Variants in LRP6 observed in about 807,000 individuals in gnomAD.
The protein encoded by LRP6 is low-density lipoprotein receptor-related protein 6.
LRP6 carries 43 observed loss-of-function variants against 184.1 expected under a neutral mutation model. That is an observed-to-expected ratio of 0.23 (90% CI 0.18 to 0.30). LRP6 has a LOEUF of 0.30. Ranked by LOEUF, LRP6 falls within the 10% of genes least tolerant of loss-of-function variation. LRP6 has a pLI of 1.00. For synonymous variants in LRP6, 719 were observed against 684.9 expected (o/e 1.05, Z -0.78); for missense variants, 1,571 against 2,005.3 (o/e 0.78, Z 4.14).
At chr12:12,144,239 C>A (rs545290249) in intron 15 of LRP6, among the ~76,000 whole-genome samples, 159 of 152,268 alleles carry the variant, frequency 1.0e-3, no homozygotes, top group Middle Eastern at 3.4e-3. Flanking sequence ...GACAGGGTCT[C>A]GGCTTTATTG....
At chr12:12,164,615 C>G in intron 8 of LRP6, 53 bp from the exon 9 acceptor site, 1 of 1,547,740 alleles carries the variant, frequency 6.5e-7, no homozygotes, top group African/African-American at 1.4e-5. Flanking sequence ...TTGATACATT[C>G]AACATATTTT....
chr12:12,142,610 T>C (rs1474024049), intron 15 of LRP6, among the ~76,000 whole-genome samples: 3 of 152,110 alleles, frequency 2.0e-5, no homozygotes, highest in African/African-American at 7.2e-5. Context: ...CAAACATTTC[T>C]TTTTATGTGG....
At chr12:12,222,146 T>C (rs924684085) in intron 2 of LRP6, among the ~76,000 whole-genome samples, 8 of 152,322 alleles carry the variant, frequency 5.3e-5, no homozygotes, top group African/African-American at 1.9e-4. Flanking sequence ...TACTAAGCAG[T>C]AAATTTTACT....
intron 12 of LRP6, among the ~76,000 whole-genome samples, chr12:12,153,901 A>C: frequency 6.6e-6 from 1 of 152,326 alleles, no homozygotes; most frequent in South Asian, 2.1e-4. Flanking sequence ...GCTCTTGTTT[A>C]AGAATAGAAT....
At chr12:12,219,885 G>C (rs1198338020) in intron 2 of LRP6, among the ~76,000 whole-genome samples, 1 of 152,190 alleles carries the variant, frequency 6.6e-6, no homozygotes, top group Non-Finnish European at 1.5e-5. Flanking sequence ...AAAAGGAGGA[G>C]GACGTAGAGG....
intron 14 of LRP6, 40 bp from the exon 15 acceptor site, chr12:12,147,596 G>C (rs1448472842): frequency 1.4e-6 from 2 of 1,434,242 alleles, no homozygotes; most frequent in Non-Finnish European, 2.0e-6. Context: ...ACTGGAGTAA[G>C]AAACCACATA....
chr12:12,186,600 A>G (rs1246588187), intron 4 of LRP6, among the ~76,000 whole-genome samples: 1 of 151,496 alleles, frequency 6.6e-6, no homozygotes, highest in East Asian at 1.9e-4. Flanking sequence ...GGCTGGTCTC[A>G]AACTCCTGAC....
intron 2 of LRP6, among the ~76,000 whole-genome samples, chr12:12,206,897 T>G (rs1315953017): frequency 6.6e-6 from 1 of 151,874 alleles, no homozygotes; most frequent in Admixed American, 6.6e-5. Context: ...ATAGGCTCTG[T>G]GAGTTCAGCA....
At chr12:12,231,682 G>T (rs1323365722) in intron 2 of LRP6, among the ~76,000 whole-genome samples, 6 of 147,250 alleles carry the variant, frequency 4.1e-5, no homozygotes, top group East Asian at 2.0e-4. Flanking sequence ...CCAGGAAACG[G>T]TTTTTTTTTT....
intron 13 of LRP6, 101 bp downstream of exon 13, chr12:12,150,735 C>T: frequency 8.1e-7 from 1 of 1,234,730 alleles, no homozygotes; most frequent in Non-Finnish European, 1.2e-6. Context: ...TACACACATA[C>T]ACACACACTT....
chr12:12,213,078 A>T (rs984318951), intron 2 of LRP6, among the ~76,000 whole-genome samples: 1 of 152,136 alleles, frequency 6.6e-6, no homozygotes, highest in Admixed American at 6.5e-5. Context: ...TGGAGTAAAT[A>T]TTTTTTTCAG....
In LRP6 at chr12:12,184,737, A is replaced by G. The variant is rs140253343; in HGVS notation, c.845-626T>C. 6.1e-3 allele frequency among the ~76,000 whole-genome samples: 928 copies of G among 152,330 alleles called. 11 individuals carry two copies. Among genetic ancestry groups the G allele is most frequent in the Non-Finnish European group, 9.3e-3 (630 of 68,032 alleles). On this transcript the variant is annotated intron_variant, in intron 4 of 22. Transcript: ENST00000261349. ...AAAGTGAAGGACACTGAAAGCCAAGAAAAGTAATTATGTTGAAAAGTCATG... is the reference window on the plus strand; with the variant it reads ...AAAGTGAAGGACACTGAAAGCCAAGGAAAGTAATTATGTTGAAAAGTCATG...
chr12:12,155,724 G>C (rs1285793661), intron 12 of LRP6: 1 of 1,052,180 alleles, frequency 9.5e-7, no homozygotes, highest in African/African-American at 1.6e-5. Context: ...GAACCAGTGG[G>C]AAGGAGCCTG....
chr12:12,244,357 C>T lies in LRP6; in HGVS notation c.354G>A (p.Arg118=). 6.2e-7 allele frequency: 1 copy of T among 1,614,180 alleles called. No homozygotes were observed. Among genetic ancestry groups the T allele is most frequent in the Non-Finnish European group, 8.5e-7 (1 of 1,180,008 alleles). ...ATCCATCTAAATTAGAAACTTCAAT[C>T]CGATTAGTTTCAGAATCTGTCCAGT... is the stretch of plus-strand genomic sequence containing the variant. ...KLYWTDSETN[R]IEVSNLDGSL... The change falls in exon 2 of 23, where the codon CGG becomes CGA. Residue 118 remains arginine, a synonymous_variant. Transcript: ENST00000261349.
chr12:12,213,741 CTT>C (rs929084899), intron 2 of LRP6, among the ~76,000 whole-genome samples: 15 of 152,150 alleles, frequency 9.9e-5, no homozygotes, highest in African/African-American at 2.4e-4. Context: ...TCCCTTCCCT[CTT>C]GATTCCCACT....
intron 15 of LRP6, among the ~76,000 whole-genome samples, chr12:12,140,421 G>T (rs1949912756): frequency 6.6e-6 from 1 of 151,820 alleles, no homozygotes; most frequent in Admixed American, 6.6e-5. Flanking sequence ...AGTCAAGAAG[G>T]TTCAGCATAA....
chr12:12,150,886 T>C lies in LRP6; in HGVS notation c.2944A>G (p.Ile982Val), dbSNP rs201612233. ...CGGATCATGTTTTGTCGTGAGTCAA[T>C]CCAATAGAGTTGCTTGTCCAGTGGG... Reference protein sequence around the residue: ...YDPLDKQLYWIDSRQNMIRKA... With the variant: ...YDPLDKQLYWVDSRQNMIRKA... Residue 982 changes from isoleucine (I) to valine (V), a missense_variant, in exon 13 of 23, where the codon ATT (isoleucine) becomes GTT (valine). By Grantham distance (29) the Ile-to-Val change is conservative. Coordinates refer to ENST00000261349, the MANE Select transcript of LRP6 (RefSeq NM_002336.3). The C allele has an allele frequency of 1.9e-6, 3 of 1,613,980 alleles. No individual in the cohort carries two copies. Among genetic ancestry groups the C allele is most frequent in the Non-Finnish European group, 2.5e-6 (3 of 1,180,024 alleles).
At position 12,116,545 on chromosome 12, in the gene LRP6, C is replaced by T. The variant is rs1243372055; in HGVS notation, c.*4581G>A. Reference sequence around the variant, plus strand: ...TATCTATATATAAATATATCTCTATCGCCCATCCTGCTTATATTTGACTGA... The same window carrying T: ...TATCTATATATAAATATATCTCTATTGCCCATCCTGCTTATATTTGACTGA... On this transcript the variant is annotated 3_prime_UTR_variant, in exon 23 of 23. Transcript: ENST00000261349. The T allele has an allele frequency of 1.3e-5, 2 of 152,030 alleles. No homozygotes were observed. The highest frequency in any genetic ancestry group is 2.4e-5 in the African/African-American group (1 of 41,378). 9.4% of individuals were successfully genotyped at this position (152,030 alleles called of 1,614,324 possible).
At chr12:12,227,074 G>A (rs1277548488) in intron 2 of LRP6, among the ~76,000 whole-genome samples, 1 of 152,060 alleles carries the variant, frequency 6.6e-6, no homozygotes, top group African/African-American at 2.4e-5. Flanking sequence ...AGAAGAGCAG[G>A]ATTACATCCA....
Sources: gnomAD v4.1 joint callset for allele counts (sites outside exome capture counted in the v4.1 genomes callset) on GRCh38, gnomAD v4.1.1 for gene constraint, MANE v1.5 for transcripts, NCBI Gene and HGNC (gene_info 2026-07-23, HGNC 2026-07-21) for gene names.